Variants in AUTS2 observed in about 807,000 individuals in gnomAD.
AUTS2 encodes the protein activator of transcription and developmental regulator AUTS2.
In AUTS2, 17 loss-of-function variants were observed where a neutral mutation model predicts 112.4. The observed-to-expected ratio is 0.15, with a 90% CI of 0.10 to 0.23. The LOEUF (loss-of-function observed/expected upper bound fraction) is 0.23, where lower values mean the gene tolerates loss of function less well. Ranked by LOEUF, AUTS2 falls within the 10% of genes least tolerant of loss-of-function variation. AUTS2 has a pLI of 1.00. For synonymous variants in AUTS2, 751 were observed against 702.7 expected, an observed-to-expected ratio of 1.07 and a Z score of -1.09; for missense variants, 1,510 against 1,701.6, an observed-to-expected ratio of 0.89 and a Z score of 1.98.
At chr7:70,788,707 T>C (rs1226490368) in intron 18 of AUTS2, among the ~76,000 whole-genome samples, 2 of 152,206 alleles carry the variant, frequency 1.3e-5, no homozygotes, top group Non-Finnish European at 2.9e-5. Context: ...TTAAAAGTTA[T>C]TCTTCTTCTC....
At chr7:70,652,619 G>A (rs549703127) in intron 5 of AUTS2, among the ~76,000 whole-genome samples, 10 of 152,244 alleles carry the variant, frequency 6.6e-5, no homozygotes, top group South Asian at 2.1e-4. Flanking sequence ...ATGTGGTGGC[G>A]TGCGCCTGTA....
intron 1 of AUTS2, among the ~76,000 whole-genome samples, chr7:69,898,209 A>G (rs1486705318): frequency 6.6e-6 from 1 of 152,162 alleles, no homozygotes; most frequent in African/African-American, 2.4e-5. Flanking sequence ...CAGAAATGAA[A>G]AAATTTTTAA....
At chr7:69,877,986 A>C (rs1330928720) in intron 1 of AUTS2, among the ~76,000 whole-genome samples, 2 of 152,114 alleles carry the variant, frequency 1.3e-5, no homozygotes, top group Admixed American at 1.3e-4. Flanking sequence ...TCTTCCTAGG[A>C]GGAGCCACAA....
At chr7:70,391,065 A>G (rs1430403199) in intron 4 of AUTS2, among the ~76,000 whole-genome samples, 1 of 152,182 alleles carries the variant, frequency 6.6e-6, no homozygotes, top group East Asian at 1.9e-4. Context: ...TCCCCTGCAG[A>G]GCTTTTAAAT....
At chr7:69,894,428 A>G (rs191187317) in intron 1 of AUTS2, among the ~76,000 whole-genome samples, 2 of 152,240 alleles carry the variant, frequency 1.3e-5, no homozygotes, top group African/African-American at 4.8e-5. Flanking sequence ...GAAGAAAAGC[A>G]TATGGATTTT....
intron 2 of AUTS2, among the ~76,000 whole-genome samples, chr7:70,052,149 G>T (rs893507639): frequency 6.6e-6 from 1 of 152,200 alleles, no homozygotes; most frequent in African/African-American, 2.4e-5. Context: ...CAGTAATGTG[G>T]TATGTCACCA....
intron 4 of AUTS2, among the ~76,000 whole-genome samples, chr7:70,430,389 C>A (rs1795606472): frequency 6.6e-6 from 1 of 152,220 alleles, no homozygotes; most frequent in Non-Finnish European, 1.5e-5. Flanking sequence ...ATCATCTGTA[C>A]ATACTTGGTA....
intron 1 of AUTS2, among the ~76,000 whole-genome samples, chr7:69,611,823 G>A (rs1015460337): frequency 2.7e-5 from 4 of 150,546 alleles, no homozygotes; most frequent in Non-Finnish European, 5.9e-5. Context: ...CCAGCTACTC[G>A]GGAGGCTGAG....
intron 4 of AUTS2, among the ~76,000 whole-genome samples, chr7:70,330,055 A>C (rs1790671537): frequency 6.6e-6 from 1 of 152,206 alleles, no homozygotes; most frequent in Non-Finnish European, 1.5e-5. Context: ...CTCCTCCTGA[A>C]GGCCTCACCT....
At chr7:70,366,209 A>G (rs1176291317) in intron 4 of AUTS2, among the ~76,000 whole-genome samples, 1 of 152,230 alleles carries the variant, frequency 6.6e-6, no homozygotes, top group African/African-American at 2.4e-5. Context: ...CTAATTGAAC[A>G]CCACTTGAAA....
intron 1 of AUTS2, among the ~76,000 whole-genome samples, chr7:69,691,222 C>T (rs926247225): frequency 2.0e-5 from 3 of 152,142 alleles, no homozygotes; most frequent in African/African-American, 2.4e-5. Flanking sequence ...TTCCAAGCCA[C>T]GGACTCCAGC....
intron 4 of AUTS2, among the ~76,000 whole-genome samples, chr7:70,212,070 T>A (rs920604475): frequency 2.6e-5 from 4 of 152,162 alleles, no homozygotes; most frequent in African/African-American, 9.7e-5. Flanking sequence ...TACTCATACC[T>A]GTGGGGGAAA....
intron 1 of AUTS2, among the ~76,000 whole-genome samples, chr7:69,683,084 G>A (rs956337109): frequency 1.3e-5 from 2 of 152,326 alleles, no homozygotes; most frequent in Non-Finnish European, 1.5e-5. Context: ...TTGCTGGGGG[G>A]AATGCCGTAG....
At chr7:70,452,074 G>A (rs562340194) in intron 5 of AUTS2, among the ~76,000 whole-genome samples, 44 of 152,230 alleles carry the variant, frequency 2.9e-4, no homozygotes, top group African/African-American at 1.0e-3. Context: ...TGCGGCCTTG[G>A]GCAGTTTACT....
At chr7:70,660,539 A>G (rs1258660283) in intron 5 of AUTS2, among the ~76,000 whole-genome samples, 5 of 152,206 alleles carry the variant, frequency 3.3e-5, no homozygotes, top group Non-Finnish European at 1.5e-5. Context: ...TTCAAGCACA[A>G]TGGGGCAGAA....
At chr7:70,744,582 A>C (rs1788323575) in intron 6 of AUTS2, among the ~76,000 whole-genome samples, 1 of 152,222 alleles carries the variant, frequency 6.6e-6, no homozygotes, top group African/African-American at 2.4e-5. Flanking sequence ...CCCGGGGAAC[A>C]GTAAGCCAGC....
At chr7:70,445,716 G>A (rs749775568) in intron 5 of AUTS2, among the ~76,000 whole-genome samples, 91 of 152,266 alleles carry the variant, frequency 6.0e-4, no homozygotes, top group Admixed American at 2.5e-3. Flanking sequence ...ACCATATTTG[G>A]ACACAGAACT....
chr7:70,096,145 G>A (rs573523713), intron 2 of AUTS2, among the ~76,000 whole-genome samples: 57 of 152,170 alleles, frequency 3.7e-4, no homozygotes, highest in African/African-American at 1.3e-3. Flanking sequence ...TAGTTCACAC[G>A]GGGTTGTAAA....
chr7:69,803,237 C>G (rs1414419987), intron 1 of AUTS2, among the ~76,000 whole-genome samples: 1 of 152,122 alleles, frequency 6.6e-6, no homozygotes, highest in Admixed American at 6.5e-5. Context: ...GCTGATGTAC[C>G]GTGCACTCCT....
Sources: allele counts gnomAD v4.1 joint callset (sites outside exome capture counted in the v4.1 genomes callset), GRCh38; gene constraint gnomAD v4.1.1; transcripts MANE v1.5; gene names NCBI Gene and HGNC (gene_info 2026-07-23, HGNC 2026-07-21).